SCRG1: variants seen among roughly 807,000 people sequenced by gnomAD.
SCRG1 encodes scrapie-responsive protein 1.
A neutral mutation model predicts 7.7 loss-of-function variants in SCRG1; 3 were observed. That is an observed-to-expected ratio of 0.39 (90% confidence interval 0.18 to 1.01). SCRG1 has a LOEUF of 1.01. SCRG1 is among the 50% of genes least tolerant of loss of function. The probability of loss-of-function intolerance (pLI) is 0.36; values close to 1 mark genes in which losing one functional copy is unlikely to be tolerated. For synonymous variants in SCRG1, 46 were observed against 41.2 expected (o/e 1.12, Z -0.44); for missense variants, 110 against 117.2 (o/e 0.94, Z 0.28).
rs765290761 is a variant in SCRG1, at chr4:173,391,167, C to T, written c.242+6G>A. ...GGCAATACACTTTGTGATACCATTTCCTTACTTTGGGCAGCAGAGCAATTC... is the reference window on the plus strand; with the variant it reads ...GGCAATACACTTTGTGATACCATTTTCTTACTTTGGGCAGCAGAGCAATTC... On this transcript the variant is annotated splice_donor_region_variant and intron_variant, in intron 2 of 2. Transcript: ENST00000296506. 1.5e-5 allele frequency: 24 copies of T among 1,613,618 alleles called. No individual in the cohort carries two copies. The highest frequency in any genetic ancestry group is 1.8e-5 in the Non-Finnish European group (21 of 1,179,892).
At chr4:173,423,850 G>A in the SCRG1 span, among the ~76,000 whole-genome samples, 1 of 152,108 alleles carries the variant, frequency 6.6e-6, no homozygotes, top group African/African-American at 2.4e-5. Flanking sequence ...TAGTACTAGT[G>A]TCTGCTCAGC....
At chr4:173,416,973 CCA>C in the SCRG1 span, among the ~76,000 whole-genome samples, 6 of 143,060 alleles carry the variant, frequency 4.2e-5, no homozygotes, top group Admixed American at 1.4e-4. Flanking sequence ...ATCACACACA[CCA>C]CACACACACC....
chr4:173,437,378 T>C, the SCRG1 span, among the ~76,000 whole-genome samples: 1 of 152,210 alleles, frequency 6.6e-6, no homozygotes, highest in East Asian at 1.9e-4. Context: ...TACCACTTAT[T>C]TGATCTGGCA....
At chr4:173,481,174 T>G in the SCRG1 span, among the ~76,000 whole-genome samples, 1 of 152,192 alleles carries the variant, frequency 6.6e-6, no homozygotes, top group African/African-American at 2.4e-5. Flanking sequence ...ACCACATCAA[T>G]TTCCCTTTAA....
the SCRG1 span, among the ~76,000 whole-genome samples, chr4:173,464,082 G>T: frequency 9.2e-5 from 14 of 151,996 alleles, no homozygotes; most frequent in Admixed American, 7.9e-4. Flanking sequence ...GAAGGGTGGG[G>T]ATTGTTGGAG....
At chr4:173,394,972 G>T (rs1339858630) in intron 1 of SCRG1, among the ~76,000 whole-genome samples, 1 of 152,070 alleles carries the variant, frequency 6.6e-6, no homozygotes, top group East Asian at 1.9e-4. Flanking sequence ...CAATAAAGAT[G>T]TATAGAGTAT....
upstream of SCRG1, among the ~76,000 whole-genome samples, chr4:173,410,755 T>A (rs1391555307): frequency 6.6e-6 from 1 of 152,212 alleles, no homozygotes; most frequent in Non-Finnish European, 1.5e-5. Context: ...TTTGCTAAAT[T>A]TGTTTGACTA....
the SCRG1 span, among the ~76,000 whole-genome samples, chr4:173,500,901 G>A: frequency 1.8e-4 from 27 of 152,178 alleles, no homozygotes; most frequent in Admixed American, 1.8e-3. Flanking sequence ...CCGGAGAAAC[G>A]GCGATCTTAA....
chr4:173,500,003 G>A, the SCRG1 span, among the ~76,000 whole-genome samples: 7 of 152,156 alleles, frequency 4.6e-5, no homozygotes, highest in Non-Finnish European at 7.3e-5. Flanking sequence ...AGACGTAACG[G>A]GTGGACCTGG....
intron 1 of SCRG1, chr4:173,398,144 T>C (rs562616732): frequency 5.3e-5 from 8 of 152,310 alleles, no homozygotes; most frequent in Non-Finnish European, 7.3e-5. Flanking sequence ...TTAGAATGAC[T>C]GAGTCCCAAA....
chr4:173,460,963 CA>C, the SCRG1 span, among the ~76,000 whole-genome samples: 4 of 152,162 alleles, frequency 2.6e-5, no homozygotes, highest in African/African-American at 4.8e-5. Flanking sequence ...TGGTGCCTAC[CA>C]GGGGCAGGGG....
chr4:173,410,145 A>G (rs1188300663), upstream of SCRG1, among the ~76,000 whole-genome samples: 1 of 152,204 alleles, frequency 6.6e-6, no homozygotes, highest in Non-Finnish European at 1.5e-5. Flanking sequence ...TCTCCCAAGA[A>G]GAGAGAGTCT....
chr4:173,443,944 TG>T, the SCRG1 span, among the ~76,000 whole-genome samples: 210 of 2,016 alleles, frequency 0.1, 1 homozygote, highest in African/African-American at 0.11. Context: ...GAGCTTGTTT[TG>T]TGTGTGTGTG....
the SCRG1 span, among the ~76,000 whole-genome samples, chr4:173,476,361 A>ATATATATATATATAT: frequency 1.2e-4 from 6 of 51,396 alleles, no homozygotes; most frequent in South Asian, 8.5e-4. Flanking sequence ...GGGGAAAAAA[A>ATATATATATATATAT]AAATATATAT....
chr4:173,443,943 T>TTGTGTGTGTGTG, the SCRG1 span, among the ~76,000 whole-genome samples: 50 of 138,794 alleles, frequency 3.6e-4, 2 homozygotes, highest in Admixed American at 1.4e-3. Flanking sequence ...AGAGCTTGTT[T>TTGTGTGTGTGTG]TGTGTGTGTG....
the SCRG1 span, among the ~76,000 whole-genome samples, chr4:173,448,328 C>A: frequency 6.6e-6 from 1 of 152,206 alleles, no homozygotes; most frequent in South Asian, 2.1e-4. Flanking sequence ...GACAAACAAA[C>A]CAGAACAAAG....
At chr4:173,518,242 C>G in the SCRG1 span, among the ~76,000 whole-genome samples, 3 of 152,156 alleles carry the variant, frequency 2.0e-5, no homozygotes, top group African/African-American at 4.8e-5. Flanking sequence ...GTGCGGCACA[C>G]CTTCCTCTGC....
the SCRG1 span, among the ~76,000 whole-genome samples, chr4:173,425,063 G>A: frequency 6.6e-6 from 1 of 152,122 alleles, no homozygotes; most frequent in Non-Finnish European, 1.5e-5. Flanking sequence ...CAATCATTGG[G>A]AAGAAGATTA....
the SCRG1 span, among the ~76,000 whole-genome samples, chr4:173,442,899 C>T: frequency 1.3e-5 from 2 of 152,290 alleles, no homozygotes; most frequent in South Asian, 4.1e-4. Context: ...GGCCCCATCT[C>T]CCAATCCATT....
Sources: allele counts gnomAD v4.1 joint callset (sites outside exome capture counted in the v4.1 genomes callset), GRCh38; gene constraint gnomAD v4.1.1; transcripts MANE v1.5; gene names NCBI Gene and HGNC (gene_info 2026-07-23, HGNC 2026-07-21).